ELSPBP1: variants seen among roughly 807,000 people sequenced by gnomAD.
ELSPBP1 encodes the protein epididymal sperm-binding protein 1.
ELSPBP1 carries 38 observed loss-of-function variants against 33.3 expected under a neutral mutation model. That is an observed-to-expected ratio of 1.14 (90% CI 0.88 to 1.50). The LOEUF (loss-of-function observed/expected upper bound fraction) is 1.50, where lower values mean the gene tolerates loss of function less well. Among genes scored for constraint, ELSPBP1 ranks in the 40% most tolerant of loss-of-function variants. The pLI is 0.00. For synonymous variants in ELSPBP1, 85 were observed against 94.1 expected (o/e 0.90, Z 0.56); for missense variants, 267 against 263.5 (o/e 1.01, Z -0.09).
intron 6 of ELSPBP1, 24 bp downstream of exon 6, chr19:48,022,358 T>A: frequency 6.3e-7 from 1 of 1,579,130 alleles, no homozygotes; most frequent in Non-Finnish European, 8.6e-7. Context: ...CCAACAGTGG[T>A]CATTTCACGG....
chr19:48,013,625 G>A (rs1376680735), intron 2 of ELSPBP1, among the ~76,000 whole-genome samples: 1 of 151,968 alleles, frequency 6.6e-6, no homozygotes, highest in Admixed American at 6.6e-5. Context: ...GCTGAGGCAG[G>A]AGAATCTCTT....
Position 48,008,651 on chromosome 19 carries a change from A to G in ELSPBP1, c.-17A>G, listed in dbSNP as rs201056572. On this transcript the variant is annotated splice_region_variant and 5_prime_UTR_variant, in exon 2 of 7. Transcript: ENST00000339841. ...AAAATTTTTGTCTTCTTTTCCACAG[A>G]GAAGAGGGCAGCCAAGATGACCCGA... The G allele has an allele frequency of 5.0e-6, 8 of 1,613,230 alleles. No homozygotes were observed. The Admixed American group carries it at 1.0e-4, about 20-fold the overall frequency.
chr19:48,021,479 G>A (rs576822334), intron 5 of ELSPBP1, among the ~76,000 whole-genome samples: 14 of 149,724 alleles, frequency 9.4e-5, no homozygotes, highest in South Asian at 4.2e-4. Context: ...TCACTCTGTC[G>A]CCCAGGCTGG....
intron 4 of ELSPBP1, 24 bp downstream of exon 4, chr19:48,016,063 G>T: frequency 6.2e-7 from 1 of 1,610,490 alleles, no homozygotes; most frequent in Non-Finnish European, 8.5e-7. Flanking sequence ...GCAGGGATGG[G>T]ATGTGTGGTG....
intron 1 of ELSPBP1, among the ~76,000 whole-genome samples, chr19:48,000,506 C>T (rs981418749): frequency 3.3e-5 from 5 of 151,938 alleles, no homozygotes; most frequent in African/African-American, 9.7e-5. Flanking sequence ...CCCAAAGTGC[C>T]GGGATTACAT....
At chr19:48,023,217 G>T (rs1289247642) in intron 6 of ELSPBP1, among the ~76,000 whole-genome samples, 4 of 136,068 alleles carry the variant, frequency 2.9e-5, no homozygotes, top group African/African-American at 1.1e-4. Context: ...AGGAGGGAAG[G>T]AAGGAGGGAG....
chr19:48,023,581 GGAGGA>G (rs950440156), intron 6 of ELSPBP1, among the ~76,000 whole-genome samples: 19 of 142,346 alleles, frequency 1.3e-4, no homozygotes, highest in African/African-American at 4.9e-4. Flanking sequence ...AGGAAGGGAG[GGAGGA>G]AGGAAGGAAG....
At chr19:48,024,006 G>T (rs1044769305) in intron 6 of ELSPBP1, among the ~76,000 whole-genome samples, 1 of 151,330 alleles carries the variant, frequency 6.6e-6, no homozygotes, top group Admixed American at 6.6e-5. Flanking sequence ...GAGTAGCTGG[G>T]ATTACAGGGG....
intron 1 of ELSPBP1, among the ~76,000 whole-genome samples, chr19:47,995,306 T>C (rs903303360): frequency 3.3e-5 from 5 of 152,166 alleles, no homozygotes; most frequent in Admixed American, 2.6e-4. Context: ...ATTCTATGAA[T>C]GATGTAATGC....
At chr19:48,001,396 T>C (rs1002675886) in intron 1 of ELSPBP1, among the ~76,000 whole-genome samples, 1 of 151,328 alleles carries the variant, frequency 6.6e-6, no homozygotes, top group Admixed American at 6.6e-5. Context: ...TTGGCCAGCA[T>C]GGTCTCAATC....
At chr19:48,012,437 A>G (rs1021420466) in intron 2 of ELSPBP1, among the ~76,000 whole-genome samples, 1 of 152,050 alleles carries the variant, frequency 6.6e-6, no homozygotes, top group African/African-American at 2.4e-5. Flanking sequence ...ATTTTTTGAT[A>G]TATTTCAGGG....
intron 4 of ELSPBP1, among the ~76,000 whole-genome samples, chr19:48,018,434 G>A (rs557280078): frequency 5.3e-5 from 8 of 152,238 alleles, no homozygotes; most frequent in African/African-American, 1.4e-4. Context: ...AGTTAGACCC[G>A]AGTTGGAATT....
At position 48,011,976 on chromosome 19, in the gene ELSPBP1, C is replaced by CA. The variant is rs956041192; in HGVS notation, c.71-2186dup. Among the ~76,000 whole-genome samples the CA allele has an allele frequency of 1.7e-4, 26 of 150,474 alleles. No homozygotes were observed. Among genetic ancestry groups the CA allele is most frequent in the Admixed American group, 6.0e-4 (9 of 15,118 alleles). ...AAGTTGAGCTCTCATCCCAGGTCTA[C>CA]AAAAAAAAAGCAATCAACTTTAATT... is the stretch of plus-strand genomic sequence containing the variant. On this transcript the variant is annotated intron_variant, in intron 2 of 6. Transcript: ENST00000339841. The surrounding 1 kb of genome is among the most constrained non-coding windows in gnomAD (Gnocchi z 4.5).
intron 2 of ELSPBP1, among the ~76,000 whole-genome samples, chr19:48,009,896 A>C (rs35547616): frequency 0.17 from 25,379 of 152,106 alleles, 2,170 homozygotes; most frequent in South Asian, 0.23. Flanking sequence ...TGGAGCCCCA[A>C]CATCCCCTAC....
chr19:48,019,292 T>C (rs1413540527), intron 4 of ELSPBP1, among the ~76,000 whole-genome samples: 2 of 152,146 alleles, frequency 1.3e-5, no homozygotes, highest in Non-Finnish European at 2.9e-5. Flanking sequence ...ATAGTTAGGA[T>C]TGGTGTTCAC....
chr19:48,024,250 C>G (rs1358400622), intron 6 of ELSPBP1, among the ~76,000 whole-genome samples: 1 of 152,032 alleles, frequency 6.6e-6, no homozygotes, highest in Non-Finnish European at 1.5e-5. Context: ...CTGATTGAAG[C>G]AGGTGGTGCA....
At chr19:47,999,576 A>G (rs1220990036) in intron 1 of ELSPBP1, among the ~76,000 whole-genome samples, 1 of 151,754 alleles carries the variant, frequency 6.6e-6, no homozygotes, top group Non-Finnish European at 1.5e-5. Flanking sequence ...TTTAGTAGAG[A>G]TGGGGTTCAA....
chr19:47,998,735 C>T (rs936365097), intron 1 of ELSPBP1, among the ~76,000 whole-genome samples: 2 of 145,496 alleles, frequency 1.4e-5, no homozygotes, highest in Admixed American at 7.1e-5. Context: ...TGCAGTGAGC[C>T]GAGATCGCGC....
intron 1 of ELSPBP1, 36 bp from the exon 2 acceptor site, chr19:48,008,615 C>T (rs1268581690): frequency 2.1e-5 from 31 of 1,452,770 alleles, no homozygotes; most frequent in Admixed American, 1.5e-4. Flanking sequence ...AGGAAGGGGA[C>T]GTGTGGGATG....
Sources: allele counts gnomAD v4.1 joint callset (sites outside exome capture counted in the v4.1 genomes callset), GRCh38; gene constraint gnomAD v4.1.1; non-coding constraint Gnocchi (gnomAD v3.1); transcripts MANE v1.5; gene names NCBI Gene and HGNC (gene_info 2026-07-23, HGNC 2026-07-21).